The following SAMD3 variants were observed in gnomAD, a reference collection of about 807,000 sequenced individuals.
SAMD3 encodes sterile alpha motif domain containing 3.
A neutral mutation model predicts 58.5 loss-of-function variants in SAMD3; 63 were observed. That is an observed-to-expected ratio of 1.08 (90% CI 0.88 to 1.33). The LOEUF is 1.33. Ranked by LOEUF, SAMD3 falls within the 40% of genes most tolerant of loss-of-function variation. SAMD3 has a pLI of 0.00. For synonymous variants in SAMD3, 220 were observed against 210.3 expected (o/e 1.05, Z -0.40); for missense variants, 604 against 608.4 (o/e 0.99, Z 0.08).
At chr6:130,317,059 T>A (rs1202855932) in intron 1 of SAMD3, among the ~76,000 whole-genome samples, 2 of 152,180 alleles carry the variant, frequency 1.3e-5, no homozygotes, top group African/African-American at 2.4e-5. Context: ...TTAATGCAGA[T>A]GGACCAGTGA....
intron 1 of SAMD3, among the ~76,000 whole-genome samples, chr6:130,358,847 G>A (rs552291103): frequency 4.6e-5 from 7 of 152,106 alleles, no homozygotes; most frequent in Admixed American, 3.3e-4. Flanking sequence ...ACTCATATCC[G>A]TGGATATAGA....
At chr6:130,147,172 C>T (rs1345855259) in intron 9 of SAMD3, among the ~76,000 whole-genome samples, 1 of 152,180 alleles carries the variant, frequency 6.6e-6, no homozygotes, top group Non-Finnish European at 1.5e-5. Context: ...TAGCCACCCA[C>T]ACTCCAGTGA....
chr6:130,304,491 G>T (rs9321220), intron 2 of SAMD3, among the ~76,000 whole-genome samples: 17,494 of 152,162 alleles, frequency 0.11, 2,724 homozygotes, highest in African/African-American at 0.36. Context: ...GTATAGATTA[G>T]TTGTTGGGCT....
At chr6:130,286,343 AT>A (rs1775152723) in intron 2 of SAMD3, 1 of 152,318 alleles carries the variant, frequency 6.6e-6, no homozygotes. Flanking sequence ...AAAGATCAAG[AT>A]GGTAGGCATT....
At chr6:130,169,636 G>T (rs565833563) in intron 8 of SAMD3, among the ~76,000 whole-genome samples, 3 of 152,282 alleles carry the variant, frequency 2.0e-5, no homozygotes, top group African/African-American at 7.2e-5. Flanking sequence ...GCCCTGGATT[G>T]ACCATAGCAG....
At chr6:130,323,912 C>A (rs9398942) in intron 1 of SAMD3, among the ~76,000 whole-genome samples, 67,459 of 151,090 alleles carry the variant, frequency 0.45, 17,395 homozygotes, top group African/African-American at 0.72. Flanking sequence ...TAAGTGCTGG[C>A]TATGCAGCAT....
chr6:130,254,085 C>G (rs534240220), intron 2 of SAMD3, among the ~76,000 whole-genome samples: 1 of 152,236 alleles, frequency 6.6e-6, no homozygotes, highest in African/African-American at 2.4e-5. Context: ...CCTTGACTTC[C>G]TGGGCTCACT....
At chr6:130,289,070 A>T (rs1475954861) in intron 2 of SAMD3, among the ~76,000 whole-genome samples, 1 of 152,152 alleles carries the variant, frequency 6.6e-6, no homozygotes, top group African/African-American at 2.4e-5. Flanking sequence ...GTCTTGTAAG[A>T]CTACACATCT....
chr6:130,286,439 G>A (rs1320553174), intron 2 of SAMD3, among the ~76,000 whole-genome samples: 1 of 152,194 alleles, frequency 6.6e-6, no homozygotes, highest in East Asian at 1.9e-4. Context: ...CAAGGTTACG[G>A]CACAGTTCCT....
chr6:130,340,870 A>C lies in SAMD3; in HGVS notation c.-304+24250T>G, dbSNP rs145966460. On this transcript the variant is annotated intron_variant, in intron 1 of 13. Transcript: ENST00000368134. Reference sequence around the variant, plus strand: ...GATGAATTTGAAGGTTTTGTGCTTCAGTCTTTTCTTAAACATTTTTGTTTA... The same window carrying C: ...GATGAATTTGAAGGTTTTGTGCTTCCGTCTTTTCTTAAACATTTTTGTTTA... 1.6e-3 allele frequency among the ~76,000 whole-genome samples: 250 copies of C among 152,270 alleles called. 2 individuals are homozygous for C. In the East Asian group the frequency reaches 0.039, roughly 24 times the overall value.
In SAMD3 at chr6:130,144,679, C is replaced by T. The variant is rs372915072; in HGVS notation, c.1404G>A (p.Ala468=). Residue 468 remains alanine, a synonymous_variant, in exon 12 of 12, where the codon GCG becomes GCA. Coordinates refer to ENST00000439090, the MANE Select transcript of SAMD3 (RefSeq NM_001017373.4). ...TAAATACATGAAAGGCAGCTACTAG[C>T]GCAGCCAAGGCTGTAACACAGTCGT... ...KVDDCVTALA[A]LVAAFHVFRI... 146 of 1,614,000 alleles carry T rather than the reference C, an allele frequency of 9.0e-5. No homozygotes were observed. Among genetic ancestry groups the T allele is most frequent in the Middle Eastern group, 1.6e-4 (1 of 6,084 alleles).
intron 2 of SAMD3, among the ~76,000 whole-genome samples, chr6:130,279,710 C>T (rs149413631): frequency 0.024 from 3,614 of 152,172 alleles, 65 homozygotes; most frequent in Middle Eastern, 0.065. Flanking sequence ...GTCTCAAACT[C>T]CTGACCTCAG....
At chr6:130,265,832 T>C (rs1454848629) in intron 2 of SAMD3, among the ~76,000 whole-genome samples, 1 of 152,272 alleles carries the variant, frequency 6.6e-6, no homozygotes, top group East Asian at 1.9e-4. Flanking sequence ...TCATTAATAG[T>C]AATAAGTTAG....
intron 1 of SAMD3, among the ~76,000 whole-genome samples, chr6:130,219,279 G>A (rs1010569962): frequency 1.3e-5 from 2 of 152,062 alleles, no homozygotes; most frequent in Non-Finnish European, 2.9e-5. Context: ...GTCTCTATAC[G>A]TTATGCTAAA....
intron 1 of SAMD3, among the ~76,000 whole-genome samples, chr6:130,326,251 T>C (rs724324): frequency 0.47 from 71,241 of 151,902 alleles, 19,908 homozygotes; most frequent in African/African-American, 0.79. Flanking sequence ...TCTACTCTTG[T>C]CCTATGTTGT....
At position 130,154,864 on chromosome 6, in the gene SAMD3, G is replaced by C; in HGVS notation, c.984C>G (p.Asp328Glu). 3.1e-6 allele frequency: 5 copies of C among 1,612,996 alleles called. No homozygotes were observed. The highest frequency in any genetic ancestry group is 4.2e-6 in the Non-Finnish European group (5 of 1,179,674). The change falls in exon 9 of 12, where the codon GAC becomes GAG. Residue 328 changes from aspartate (D) to glutamate (E), a missense_variant. Asp to Glu is a conservative substitution (Grantham distance 45). Coordinates refer to ENST00000439090, the MANE Select transcript of SAMD3 (RefSeq NM_001017373.4). Reference protein sequence around the residue: ...KMIGSRTPLKDILKLFPFLKC... With the variant: ...KMIGSRTPLKEILKLFPFLKC... ...TCAAGAAAGGAAACAGTTTAAGAAT[G>C]TCCTTCAGAGGTGTTCGGCTGCCAA...
chr6:130,217,733 AG>A (rs1204091700), intron 1 of SAMD3, among the ~76,000 whole-genome samples: 1 of 152,192 alleles, frequency 6.6e-6, no homozygotes, highest in Non-Finnish European at 1.5e-5. Context: ...GCACTTTTTA[AG>A]AAAATATGAA....
At chr6:130,265,579 G>A (rs1774314606) in intron 2 of SAMD3, among the ~76,000 whole-genome samples, 1 of 152,106 alleles carries the variant, frequency 6.6e-6, no homozygotes, top group Admixed American at 6.5e-5. Flanking sequence ...TATTATAAGT[G>A]TACTGGAACC....
At chr6:130,248,764 G>A (rs570960633) in intron 2 of SAMD3, among the ~76,000 whole-genome samples, 3 of 152,222 alleles carry the variant, frequency 2.0e-5, no homozygotes, top group South Asian at 2.1e-4. Flanking sequence ...AGGAAGGAAC[G>A]GAGAGAAGGT....
Sources: gnomAD v4.1 joint callset for allele counts (sites outside exome capture counted in the v4.1 genomes callset) on GRCh38, gnomAD v4.1.1 for gene constraint, MANE v1.5 for transcripts, NCBI Gene and HGNC (gene_info 2026-07-23, HGNC 2026-07-21) for gene names.